PTPRG: variants seen among roughly 807,000 people sequenced by gnomAD.
The protein encoded by PTPRG is protein tyrosine phosphatase receptor type G.
In PTPRG, 102 loss-of-function variants were observed where a neutral mutation model predicts 165.3. The observed-to-expected ratio is 0.62, with a 90% CI of 0.53 to 0.73. The LOEUF is 0.73. PTPRG is among the 30% of genes least tolerant of loss of function. The pLI, the probability that PTPRG is intolerant of heterozygous loss-of-function variation, is 0.00. For missense variants in PTPRG, 1,866 were observed against 1,861.4 expected, an observed-to-expected ratio of 1.00 and a Z score of -0.05; for synonymous variants, 675 against 669.5, an observed-to-expected ratio of 1.01 and a Z score of -0.13.
At chr3:62,007,925 T>A (rs985055026) in intron 4 of PTPRG, among the ~76,000 whole-genome samples, 1 of 152,216 alleles carries the variant, frequency 6.6e-6, no homozygotes, top group Non-Finnish European at 1.5e-5. Flanking sequence ...CTGCTGTAAA[T>A]ACGTTACTTT....
At chr3:61,748,176 C>G (rs1165091718) in intron 1 of PTPRG, among the ~76,000 whole-genome samples, 1 of 152,182 alleles carries the variant, frequency 6.6e-6, no homozygotes, top group Non-Finnish European at 1.5e-5. Flanking sequence ...TCTTCTGGCA[C>G]CACAGGTGAC....
intron 5 of PTPRG, among the ~76,000 whole-genome samples, chr3:62,085,503 T>G (rs1371746160): frequency 3.9e-5 from 6 of 152,218 alleles, no homozygotes; most frequent in Admixed American, 2.0e-4. Flanking sequence ...AAAATGCGTT[T>G]ATCTCACTAG....
intron 2 of PTPRG, among the ~76,000 whole-genome samples, chr3:61,920,792 A>G (rs1368258191): frequency 1.3e-5 from 2 of 152,194 alleles, no homozygotes; most frequent in Admixed American, 6.5e-5. Flanking sequence ...ATATTTTCAT[A>G]TTTTAGCATT....
At chr3:61,987,368 T>A (rs2040786124) in intron 2 of PTPRG, among the ~76,000 whole-genome samples, 1 of 152,228 alleles carries the variant, frequency 6.6e-6, no homozygotes. Context: ...ATTATATTTT[T>A]ATAGAGTGAT....
In PTPRG at chr3:62,243,905, A is replaced by C; in HGVS notation, c.2467+7A>C. 6.9e-7 allele frequency: 1 copy of C among 1,449,112 alleles called. No homozygotes were observed. The highest frequency in any genetic ancestry group is 1.4e-5 in the African/African-American group (1 of 71,106). The allele number at this position is 1,449,112 out of a possible 1,614,324, so 89.8% of individuals were successfully genotyped here. A position where few individuals can be genotyped will look rare whatever the true frequency, so the allele number is the denominator to read the frequency against. On this transcript the variant is annotated splice_region_variant and intron_variant, in intron 15 of 29. Coordinates refer to ENST00000474889, the MANE Select transcript of PTPRG (RefSeq NM_002841.4). ...CCTATTATTCCTATTCCGGGTAAGT[A>C]AGACACTGCTCTTATTTCCAATGGG...
At chr3:62,276,357 T>C (rs1236158486) in intron 24 of PTPRG, 1 of 157,044 alleles carries the variant, frequency 6.4e-6, no homozygotes, top group East Asian at 1.9e-4. Flanking sequence ...TGCTGTGGCA[T>C]TAACATTCCT....
intron 1 of PTPRG, among the ~76,000 whole-genome samples, chr3:61,629,607 G>A (rs977348600): frequency 6.6e-6 from 1 of 152,198 alleles, no homozygotes; most frequent in African/African-American, 2.4e-5. Context: ...AGTCTCCACG[G>A]TGTAGTAGAG....
At chr3:61,843,835 A>C (rs558797139) in intron 2 of PTPRG, among the ~76,000 whole-genome samples, 12 of 152,062 alleles carry the variant, frequency 7.9e-5, no homozygotes, top group South Asian at 6.2e-4. Flanking sequence ...AAAAAAAAAA[A>C]CAAAAAACCC....
intron 2 of PTPRG, among the ~76,000 whole-genome samples, chr3:61,907,593 G>T (rs945645531): frequency 6.6e-6 from 1 of 152,270 alleles, no homozygotes; most frequent in Non-Finnish European, 1.5e-5. Flanking sequence ...TATAAGTCTA[G>T]TAAGGAAGAT....
intron 2 of PTPRG, among the ~76,000 whole-genome samples, chr3:61,899,609 A>G (rs2038448610): frequency 6.6e-6 from 1 of 152,082 alleles, no homozygotes; most frequent in Non-Finnish European, 1.5e-5. Context: ...CCTCCAGAAG[A>G]CTCACCAGGA....
intron 1 of PTPRG, among the ~76,000 whole-genome samples, chr3:61,668,861 T>C (rs1279373283): frequency 6.6e-6 from 1 of 152,210 alleles, no homozygotes; most frequent in Non-Finnish European, 1.5e-5. Flanking sequence ...GGATTTACTC[T>C]ACCACACAAG....
chr3:62,050,470 C>T (rs185997371), intron 4 of PTPRG, among the ~76,000 whole-genome samples: 3 of 152,316 alleles, frequency 2.0e-5, no homozygotes, highest in Admixed American at 6.5e-5. Flanking sequence ...ACAATGAAAT[C>T]GCCTAACAGT....
chr3:62,004,199 A>C (rs895350324), intron 4 of PTPRG, among the ~76,000 whole-genome samples: 3 of 152,118 alleles, frequency 2.0e-5, no homozygotes, highest in African/African-American at 7.2e-5. Flanking sequence ...TCCTCTAATC[A>C]TGATTGTTGT....
chr3:61,957,810 T>C (rs912629542), intron 2 of PTPRG, among the ~76,000 whole-genome samples: 5 of 152,250 alleles, frequency 3.3e-5, no homozygotes, highest in African/African-American at 1.2e-4. Context: ...TTTTGCACTA[T>C]TGAATCACCC....
intron 5 of PTPRG, among the ~76,000 whole-genome samples, chr3:62,115,912 T>C (rs1223353304): frequency 6.6e-6 from 1 of 152,212 alleles, no homozygotes; most frequent in Non-Finnish European, 1.5e-5. Flanking sequence ...ATGATGTTTT[T>C]AATTTGCCGG....
chr3:62,249,264 T>C (rs1701356962), intron 15 of PTPRG, among the ~76,000 whole-genome samples: 1 of 152,148 alleles, frequency 6.6e-6, no homozygotes, highest in Non-Finnish European at 1.5e-5. Context: ...CCAAACACCT[T>C]GAGAGGCCTG....
intron 9 of PTPRG, 138 bp from the exon 10 acceptor site, chr3:62,194,924 T>G (rs1415744328): frequency 1.3e-6 from 1 of 782,142 alleles, no homozygotes; most frequent in Non-Finnish European, 2.1e-6. Context: ...CGGTCTTTCC[T>G]TCCAAAGTGA....
intron 2 of PTPRG, among the ~76,000 whole-genome samples, chr3:61,893,274 T>C (rs970021559): frequency 6.6e-6 from 1 of 152,254 alleles, no homozygotes; most frequent in Non-Finnish European, 1.5e-5. Flanking sequence ...TGAAGAATTA[T>C]GAACTGCAGG....
chr3:61,951,486 G>A (rs918689129), intron 2 of PTPRG, among the ~76,000 whole-genome samples: 1 of 152,164 alleles, frequency 6.6e-6, no homozygotes, highest in African/African-American at 2.4e-5. Context: ...TTTTAAAGAA[G>A]TATTCTTCTT....
Sources: allele counts gnomAD v4.1 joint callset (sites outside exome capture counted in the v4.1 genomes callset), GRCh38; gene constraint gnomAD v4.1.1; transcripts MANE v1.5; gene names NCBI Gene and HGNC (gene_info 2026-07-23, HGNC 2026-07-21).